CDK14: variants seen among roughly 807,000 people sequenced by gnomAD.
The protein encoded by CDK14 is cyclin-dependent kinase 14.
Under a neutral mutation model 60.7 loss-of-function variants are expected in CDK14, and 34 were observed. The ratio of observed to expected loss-of-function variants is 0.56; its 90% CI spans 0.43 to 0.75. The LOEUF is 0.75. CDK14 is among the 30% of genes least tolerant of loss of function. The probability of loss-of-function intolerance (pLI) is 0.00; values close to 1 mark genes in which losing one functional copy is unlikely to be tolerated. For synonymous variants in CDK14, 197 were observed against 203.7 expected (o/e 0.97, Z 0.28); for missense variants, 482 against 564.1 (o/e 0.85, Z 1.47).
chr7:90,865,613 G>T (rs1791152492), intron 6 of CDK14, among the ~76,000 whole-genome samples: 1 of 152,134 alleles, frequency 6.6e-6, no homozygotes, highest in Non-Finnish European at 1.5e-5. Context: ...GCGGCATAAG[G>T]TAGGAAACAG....
At chr7:90,605,195 A>G (rs573841801) in intron 2 of CDK14, among the ~76,000 whole-genome samples, 8 of 152,322 alleles carry the variant, frequency 5.3e-5, no homozygotes, top group Admixed American at 6.5e-5. Context: ...CCCCTTGGCC[A>G]TGTGGCTGGC....
rs1437334626 is a variant in CDK14 at position 90,863,224 on chromosome 7, C to G, written c.594C>G (p.Asp198Glu). 2 of 1,610,642 alleles carry G rather than the reference C, an allele frequency of 1.2e-6. No individual in the cohort carries two copies. The highest frequency in any genetic ancestry group is 1.7e-6 in the Non-Finnish European group (2 of 1,177,490). The change falls in exon 6 of 15, where the codon GAC becomes GAG. Residue 198 changes from aspartate (D) to glutamate (E), a missense_variant. By Grantham distance (45) the Asp-to-Glu change is conservative (BLOSUM62 2). Transcript: ENST00000380050. The stretch of plus-strand genomic sequence containing the variant: ...ATGCTAACATAGTGCTACTTCATGA[C>G]ATCATCCATACCAAGGAGACGCTGA... Reference protein sequence around the residue: ...LKHANIVLLHDIIHTKETLTL... With the variant: ...LKHANIVLLHEIIHTKETLTL...
chr7:91,181,506 A>C (rs2115880906), intron 14 of CDK14, among the ~76,000 whole-genome samples: 1 of 152,342 alleles, frequency 6.6e-6, no homozygotes, highest in African/African-American at 2.4e-5. Flanking sequence ...ACTGAGGATT[A>C]CAAAATGATT....
At chr7:90,811,482 A>T (rs1583996915) in intron 5 of CDK14, among the ~76,000 whole-genome samples, 2 of 152,340 alleles carry the variant, frequency 1.3e-5, no homozygotes, top group South Asian at 4.1e-4. Flanking sequence ...TGGATTAAAG[A>T]CTTAAACGTT....
At chr7:90,804,339 A>G (rs1788747883) in intron 5 of CDK14, among the ~76,000 whole-genome samples, 1 of 152,210 alleles carries the variant, frequency 6.6e-6, no homozygotes, top group Admixed American at 6.5e-5. Context: ...AAGATCTATA[A>G]TTGTATCACT....
chr7:91,034,568 C>A (rs1039318302), intron 10 of CDK14, among the ~76,000 whole-genome samples: 1 of 151,912 alleles, frequency 6.6e-6, no homozygotes, highest in Non-Finnish European at 1.5e-5. Flanking sequence ...TTGGAAACAC[C>A]CTCTCCTTCA....
chr7:91,111,640 C>T (rs540680782), intron 12 of CDK14, among the ~76,000 whole-genome samples: 10 of 152,300 alleles, frequency 6.6e-5, no homozygotes, highest in African/African-American at 2.4e-4. Flanking sequence ...TCCACCACTA[C>T]AAAATAGCAA....
intron 5 of CDK14, among the ~76,000 whole-genome samples, chr7:90,801,233 A>G (rs894093287): frequency 6.6e-6 from 1 of 152,232 alleles, no homozygotes; most frequent in Non-Finnish European, 1.5e-5. Context: ...AATGTACTAC[A>G]TGGTGGTTTT....
intron 5 of CDK14, among the ~76,000 whole-genome samples, chr7:90,798,488 G>A (rs138369903): frequency 3.3e-5 from 5 of 152,290 alleles, no homozygotes; most frequent in Non-Finnish European, 7.4e-5. Flanking sequence ...GCAGCATGGT[G>A]TGTTCAACTG....
chr7:91,130,145 T>G (rs1012576805), intron 14 of CDK14, among the ~76,000 whole-genome samples: 1 of 152,158 alleles, frequency 6.6e-6, no homozygotes, highest in Non-Finnish European at 1.5e-5. Context: ...TCCCATATTT[T>G]TGTCATTTGC....
At chr7:91,135,327 A>G (rs1056741077) in intron 14 of CDK14, among the ~76,000 whole-genome samples, 3 of 152,124 alleles carry the variant, frequency 2.0e-5, no homozygotes, top group African/African-American at 7.2e-5. Context: ...CAATTACCAT[A>G]CCTTAGGAAA....
intron 3 of CDK14, among the ~76,000 whole-genome samples, chr7:90,737,658 G>A (rs897679673): frequency 2.0e-5 from 3 of 152,178 alleles, no homozygotes; most frequent in African/African-American, 7.2e-5. Context: ...GGCTGTAATA[G>A]GGCTATCAAT....
At chr7:90,801,938 A>G (rs1788654238) in intron 5 of CDK14, among the ~76,000 whole-genome samples, 2 of 152,294 alleles carry the variant, frequency 1.3e-5, no homozygotes, top group Non-Finnish European at 2.9e-5. Flanking sequence ...AAGAGAACTC[A>G]GGTCCTCTGT....
chr7:90,640,126 C>T (rs1289482825), intron 2 of CDK14, among the ~76,000 whole-genome samples: 1 of 152,132 alleles, frequency 6.6e-6, no homozygotes, highest in African/African-American at 2.4e-5. Context: ...GCTGCACCCA[C>T]TGTCCTGTGC....
At chr7:91,067,675 T>A (rs560746345) in intron 11 of CDK14, among the ~76,000 whole-genome samples, 44 of 152,376 alleles carry the variant, frequency 2.9e-4, no homozygotes, top group African/African-American at 1.1e-3. Context: ...TAAGGTTTTA[T>A]GTGAATAAAA....
chr7:90,688,681 A>G (rs1370705562), intron 2 of CDK14, among the ~76,000 whole-genome samples: 3 of 152,176 alleles, frequency 2.0e-5, no homozygotes, highest in African/African-American at 7.2e-5. Context: ...ATGGTAATGT[A>G]ATAAAAGCTG....
chr7:91,089,437 A>C (rs1202845200), intron 12 of CDK14, among the ~76,000 whole-genome samples: 1 of 152,134 alleles, frequency 6.6e-6, no homozygotes, highest in African/African-American at 2.4e-5. Context: ...ACACGCAGAT[A>C]TACCCAACCT....
At chr7:90,650,425 G>C (rs1800606552) in intron 2 of CDK14, among the ~76,000 whole-genome samples, 2 of 152,094 alleles carry the variant, frequency 1.3e-5, no homozygotes, top group South Asian at 4.1e-4. Flanking sequence ...TCACTCTGAT[G>C]GTAGTTTCTT....
At chr7:90,985,357 A>G (rs1795344223) in intron 10 of CDK14, among the ~76,000 whole-genome samples, 1 of 152,280 alleles carries the variant, frequency 6.6e-6, no homozygotes, top group South Asian at 2.1e-4. Context: ...CACCTTCTTC[A>G]TAGGTGGCTT....
Sources: gnomAD v4.1 joint callset for allele counts (sites outside exome capture counted in the v4.1 genomes callset) on GRCh38, gnomAD v4.1.1 for gene constraint, MANE v1.5 for transcripts, NCBI Gene and HGNC (gene_info 2026-07-23, HGNC 2026-07-21) for gene names.